The following DAB1 variants were observed in gnomAD, a reference collection of about 807,000 sequenced individuals.
DAB1 encodes DAB adaptor protein 1.
A neutral mutation model predicts 64.6 loss-of-function variants in DAB1; 15 were observed. The ratio of observed to expected loss-of-function variants is 0.23; its 90% CI spans 0.16 to 0.36. The LOEUF (loss-of-function observed/expected upper bound fraction) is 0.36, where lower values mean the gene tolerates loss of function less well. DAB1 is among the 10% of genes least tolerant of loss of function. DAB1 has a pLI of 1.00. For missense variants in DAB1, 596 were observed against 706.7 expected (o/e 0.84, Z 1.78); for synonymous variants, 235 against 251.9 (o/e 0.93, Z 0.64).
intron 1 of DAB1, among the ~76,000 whole-genome samples, chr1:57,871,893 C>T (rs1643956034): frequency 1.3e-5 from 2 of 151,990 alleles, no homozygotes; most frequent in African/African-American, 4.8e-5. Context: ...TCTCTGTGCT[C>T]AAGATGTAAG....
intron 5 of DAB1, among the ~76,000 whole-genome samples, chr1:57,943,373 T>C (rs1302862519): frequency 6.6e-6 from 1 of 152,132 alleles, no homozygotes; most frequent in Non-Finnish European, 1.5e-5. Flanking sequence ...CTGAACCACT[T>C]TGTAGTAAGC....
At chr1:58,192,703 C>T (rs1342246191) in intron 4 of DAB1, among the ~76,000 whole-genome samples, 4 of 152,000 alleles carry the variant, frequency 2.6e-5, no homozygotes, top group East Asian at 3.9e-4. Context: ...TTATACAATA[C>T]TTCATTGATG....
At chr1:58,381,032 A>T (rs556549290) in intron 3 of DAB1, among the ~76,000 whole-genome samples, 108 of 152,352 alleles carry the variant, frequency 7.1e-4, no homozygotes, top group African/African-American at 2.4e-3. Context: ...GCATCAGCAA[A>T]CTAATGCAGG....
At chr1:57,407,618 C>A (rs554738212) in intron 1 of DAB1, among the ~76,000 whole-genome samples, 3 of 152,042 alleles carry the variant, frequency 2.0e-5, no homozygotes, top group South Asian at 2.1e-4. Context: ...ATTTTTCGGC[C>A]GAGGCCCAGA....
chr1:57,342,406 TTTCTTTATCCCTAGTGCATTTGCCA>T (rs1677664981), intron 1 of DAB1, among the ~76,000 whole-genome samples: 1 of 152,254 alleles, frequency 6.6e-6, no homozygotes, highest in Non-Finnish European at 1.5e-5. Flanking sequence ...TATTTTGTTA[TTTCTTTATCCCTAGTGCATTTGCCA>T]AAAGCATAGC....
intron 6 of DAB1, among the ~76,000 whole-genome samples, chr1:57,710,803 A>T (rs1647019526): frequency 6.6e-6 from 1 of 152,176 alleles, no homozygotes; most frequent in East Asian, 1.9e-4. Flanking sequence ...GCCACGACAC[A>T]TGGAAGACAA....
chr1:57,134,092 G>A (rs917166907), intron 4 of DAB1, among the ~76,000 whole-genome samples: 4 of 152,172 alleles, frequency 2.6e-5, no homozygotes, highest in African/African-American at 9.6e-5. Context: ...TATCTCATCA[G>A]ATGGTTGTTG....
intron 1 of DAB1, among the ~76,000 whole-genome samples, chr1:57,294,074 G>T (rs568738365): frequency 6.6e-5 from 10 of 152,170 alleles, no homozygotes; most frequent in Non-Finnish European, 1.5e-4. Flanking sequence ...CAGAGGTTGA[G>T]CAAATGCTGT....
chr1:58,162,400 CCTTT>C lies in DAB1; in HGVS notation n.310-11816_310-11813del, dbSNP rs370438635. ...CATTTCCTCCCCACCTTCCTTTCTG[CCTTT>C]CTTTTTCTTTTAAATAAGTATAATT... is the stretch of plus-strand genomic sequence containing the variant. On this transcript the variant is annotated intron_variant and non_coding_transcript_variant, in intron 4 of 20. Coordinates refer to the DAB1 transcript ENST00000485760. Among the ~76,000 whole-genome samples the C allele has an allele frequency of 3.1e-3, 474 of 152,158 alleles. 23 individuals are homozygous for C. The South Asian group carries it at 0.093, about 30-fold the overall frequency.
chr1:57,236,374 C>T (rs1057196176), intron 2 of DAB1, among the ~76,000 whole-genome samples: 1 of 152,070 alleles, frequency 6.6e-6, no homozygotes, highest in Non-Finnish European at 1.5e-5. Flanking sequence ...TTCGGCCGGA[C>T]CTGAAAAGCG....
intron 7 of DAB1, among the ~76,000 whole-genome samples, chr1:57,449,538 A>G (rs1263779484): frequency 1.3e-5 from 2 of 151,982 alleles, no homozygotes; most frequent in Non-Finnish European, 2.9e-5. Context: ...ACTCTGCTAC[A>G]CTTGGCTAAT....
At chr1:58,027,823 T>C (rs1380005826) in intron 5 of DAB1, among the ~76,000 whole-genome samples, 2 of 152,100 alleles carry the variant, frequency 1.3e-5, no homozygotes, top group Admixed American at 6.5e-5. Flanking sequence ...TTTAAATAGG[T>C]TTTCCAGAAT....
chr1:57,790,919 G>T (rs1006514272), intron 6 of DAB1, among the ~76,000 whole-genome samples: 6 of 152,074 alleles, frequency 3.9e-5, no homozygotes, highest in Non-Finnish European at 8.8e-5. Context: ...ATGTGTGTGT[G>T]TATTTTAAAC....
At chr1:58,250,291 C>A (rs1450136591) in intron 4 of DAB1, among the ~76,000 whole-genome samples, 2 of 152,218 alleles carry the variant, frequency 1.3e-5, no homozygotes, top group African/African-American at 4.8e-5. Flanking sequence ...ACTCATCCTC[C>A]GGCTGCAGTA....
chr1:58,395,854 G>T (rs1644516741), intron 3 of DAB1, among the ~76,000 whole-genome samples: 1 of 152,166 alleles, frequency 6.6e-6, no homozygotes, highest in Non-Finnish European at 1.5e-5. Flanking sequence ...CATGCTGTGG[G>T]GGTCTAAGTC....
intron 7 of DAB1, among the ~76,000 whole-genome samples, chr1:57,645,190 T>G (rs1002387576): frequency 4.6e-5 from 7 of 152,132 alleles, no homozygotes; most frequent in African/African-American, 1.4e-4. Context: ...ACTGAAAACA[T>G]GCCAAGAAAC....
rs534138860 is a variant in DAB1, at chr1:57,970,688, T to C, written n.388-86526A>G. On this transcript the variant is annotated intron_variant and non_coding_transcript_variant, in intron 5 of 20. Coordinates refer to the DAB1 transcript ENST00000485760. ...AGCTCACAGTCACTCCCTTTCAAAT[T>C]CAACCTCTAAGATCTAAACTGGTTG... 1.8e-4 allele frequency among the ~76,000 whole-genome samples: 27 copies of C among 152,248 alleles called. No homozygotes were observed. The South Asian group carries it at 5.4e-3, about 30-fold the overall frequency.
rs74464163 is a variant in DAB1 at position 57,272,171 on chromosome 1, T to C, written c.67+18793A>G. On this transcript the variant is annotated intron_variant, in intron 2 of 14. Coordinates refer to ENST00000371236, the MANE Select transcript of DAB1 (RefSeq NM_001365792.1). The stretch of plus-strand genomic sequence containing the variant: ...CTTTCCAGATTGCTTTTTTCATGAG[T>C]GGGTTACATTCTAAACAACTGCATG... 2.2e-4 allele frequency among the ~76,000 whole-genome samples: 33 copies of C among 152,292 alleles called. No individual in the cohort carries two copies. The East Asian group carries it at 6.2e-3, about 29-fold the overall frequency.
chr1:58,066,611 C>T (rs184498249), intron 5 of DAB1, among the ~76,000 whole-genome samples: 15 of 152,230 alleles, frequency 9.9e-5, no homozygotes, highest in Non-Finnish European at 7.4e-5. Flanking sequence ...GATTGAGTAA[C>T]TTGGCCAAGG....
Sources: gnomAD v4.1 joint callset for allele counts (sites outside exome capture counted in the v4.1 genomes callset) on GRCh38, gnomAD v4.1.1 for gene constraint, MANE v1.5 for transcripts, NCBI Gene and HGNC (gene_info 2026-07-23, HGNC 2026-07-21) for gene names.